The following EDA variants were observed in gnomAD, a reference collection of about 807,000 sequenced individuals.
EDA encodes the protein ectodysplasin A, also known as ectodysplasin-A.
Under a neutral mutation model 23.6 loss-of-function variants are expected in EDA, and 2 were observed. That is an observed-to-expected ratio of 0.08 (90% CI 0.03 to 0.27). EDA has a LOEUF of 0.27. Among genes scored for constraint, EDA ranks in the 10% least tolerant of loss-of-function variants. EDA has a pLI of 1.00. For synonymous variants in EDA, 131 were observed against 132.0 expected (o/e 0.99, Z 0.05); for missense variants, 229 against 324.2 (o/e 0.71, Z 2.26).
chrX:70,026,732 A>G (rs1443583194), intron 3 of EDA, among the ~76,000 whole-genome samples: 1 of 110,994 alleles, frequency 9.0e-6, no homozygotes, highest in African/African-American at 3.3e-5. Flanking sequence ...TTTCCCAGAG[A>G]TCTTTTAAAA....
intron 1 of EDA, among the ~76,000 whole-genome samples, chrX:69,687,941 G>T (rs754662168): frequency 8.9e-6 from 1 of 111,872 alleles, no homozygotes; most frequent in East Asian, 2.8e-4. Flanking sequence ...GTGAAGGAAA[G>T]CATTGAGCAG....
chrX:69,678,661 TA>T (rs1934205418), intron 1 of EDA, among the ~76,000 whole-genome samples: 1 of 106,771 alleles, frequency 9.4e-6, no homozygotes, highest in African/African-American at 3.4e-5. Context: ...GTGATTTTTG[TA>T]CATTGATTTT....
chrX:69,929,258 G>A (rs2018563704), intron 1 of EDA, among the ~76,000 whole-genome samples: 1 of 111,072 alleles, frequency 9.0e-6, no homozygotes, highest in Admixed American at 9.6e-5. Flanking sequence ...ACTTGGCTCT[G>A]CATGGTCCAA....
At chrX:70,000,871 C>T (rs974952782) in intron 2 of EDA, among the ~76,000 whole-genome samples, 1 of 111,677 alleles carries the variant, frequency 9.0e-6, no homozygotes. Flanking sequence ...AAGACCATGC[C>T]TTTTCCACTA....
intron 1 of EDA, among the ~76,000 whole-genome samples, chrX:69,949,865 T>A (rs1221614616): frequency 9.0e-6 from 1 of 111,610 alleles, no homozygotes; most frequent in Non-Finnish European, 1.9e-5. Flanking sequence ...TAATAAATGG[T>A]GCTGGGAAAA....
chrX:69,673,452 G>T (rs1933972480), intron 1 of EDA, among the ~76,000 whole-genome samples: 1 of 111,285 alleles, frequency 9.0e-6, no homozygotes, highest in Non-Finnish European at 1.9e-5. Context: ...GGAAGGATGA[G>T]GTCATTGGAG....
intron 1 of EDA, among the ~76,000 whole-genome samples, chrX:69,855,083 T>C (rs1171611311): frequency 1.8e-5 from 2 of 112,239 alleles, no homozygotes; most frequent in Non-Finnish European, 3.8e-5. Flanking sequence ...GCTTTTTTTT[T>C]CACATGATTT....
chrX:69,786,641 C>T (rs1389639741), intron 1 of EDA, among the ~76,000 whole-genome samples: 1 of 109,375 alleles, frequency 9.1e-6, no homozygotes, highest in Non-Finnish European at 1.9e-5. Context: ...TTTGATTGCA[C>T]TGTGGTCTGA....
rs1049874727 is a variant in EDA, at chrX:69,709,234, C to A, written c.396+92530C>A. On this transcript the variant is annotated intron_variant, in intron 1 of 7. Coordinates refer to ENST00000374552, the MANE Select transcript of EDA (RefSeq NM_001399.5). ...CAGTATAGTCTGTTAATTCCTAATT[C>A]TGACCATTCAAATATCAGTACCCTT... Among the ~76,000 whole-genome samples the A allele has an allele frequency of 1.7e-4, 19 of 112,096 alleles. 1 individual carries two copies. The highest frequency in any genetic ancestry group is 6.2e-4 in the African/African-American group (19 of 30,889).
Position 69,769,651 on chromosome X carries a change from C to T in EDA, c.396+152947C>T, listed in dbSNP as rs1462740473. On this transcript the variant is annotated intron_variant, in intron 1 of 7. Transcript: ENST00000374552. The stretch of plus-strand genomic sequence containing the variant: ...GTATCATTATAATTATATTGCAAAG[C>T]CTTTGTTGGATGATTAGCTTTATCT... Among the ~76,000 whole-genome samples the T allele has an allele frequency of 9.0e-5, 10 of 110,924 alleles. No homozygotes were observed. In the Admixed American group the frequency reaches 9.6e-4, roughly 11 times the overall value.
At chrX:69,641,770 T>A (rs1362964641) in intron 1 of EDA, among the ~76,000 whole-genome samples, 1 of 111,437 alleles carries the variant, frequency 9.0e-6, no homozygotes, top group Non-Finnish European at 1.9e-5. Context: ...AGAATTATGT[T>A]AGGACTCTCA....
At chrX:69,990,297 T>C (rs2019566014) in intron 2 of EDA, among the ~76,000 whole-genome samples, 1 of 111,055 alleles carries the variant, frequency 9.0e-6, no homozygotes, top group South Asian at 3.8e-4. Context: ...TGGTCTCCTC[T>C]GACACCTGAA....
intron 1 of EDA, among the ~76,000 whole-genome samples, chrX:69,679,634 G>A (rs776299212): frequency 8.1e-5 from 9 of 111,670 alleles, no homozygotes; most frequent in Admixed American, 1.9e-4. Context: ...TTCTCTGATG[G>A]TAGTTTGTAT....
chrX:69,692,241 G>T (rs1238774866), intron 1 of EDA, among the ~76,000 whole-genome samples: 1 of 111,535 alleles, frequency 9.0e-6, no homozygotes, highest in Admixed American at 9.5e-5. Flanking sequence ...CCTGTACAGT[G>T]GGAATAATTG....
At chrX:69,631,551 G>A (rs1448743765) in intron 1 of EDA, among the ~76,000 whole-genome samples, 3 of 109,056 alleles carry the variant, frequency 2.8e-5, no homozygotes, top group South Asian at 8.1e-4. Context: ...AAGAACCCCC[G>A]GTTATATATA....
intron 1 of EDA, among the ~76,000 whole-genome samples, chrX:69,840,411 G>A (rs2016869207): frequency 9.0e-6 from 1 of 111,435 alleles, no homozygotes; most frequent in Non-Finnish European, 1.9e-5. Flanking sequence ...GTTTACTTTT[G>A]TGTCTCCAGA....
chrX:69,823,395 G>A (rs1322495838), intron 1 of EDA, among the ~76,000 whole-genome samples: 22 of 87,888 alleles, frequency 2.5e-4, no homozygotes, highest in Non-Finnish European at 4.5e-4. Context: ...CATTCTAACT[G>A]GTGTGAGATG....
intron 1 of EDA, among the ~76,000 whole-genome samples, chrX:69,695,802 C>T (rs1159436779): frequency 7.3e-5 from 8 of 110,238 alleles, no homozygotes; most frequent in Admixed American, 6.8e-4. Flanking sequence ...CCACTGCACC[C>T]AGCCTCAGTT....
intron 2 of EDA, among the ~76,000 whole-genome samples, chrX:69,974,640 A>G (rs189662965): frequency 3.3e-4 from 37 of 112,049 alleles, no homozygotes; most frequent in African/African-American, 1.1e-3. Context: ...AATATTTGCA[A>G]ACTATACATC....
Sources: gnomAD v4.1 joint callset for allele counts (sites outside exome capture counted in the v4.1 genomes callset) on GRCh38, gnomAD v4.1.1 for gene constraint, MANE v1.5 for transcripts, NCBI Gene and HGNC (gene_info 2026-07-23, HGNC 2026-07-21) for gene names.